Variants in HSPA12A observed in about 807,000 individuals in gnomAD.
HSPA12A encodes the protein heat shock 70 kDa protein 12A.
HSPA12A carries 28 observed loss-of-function variants against 69.2 expected under a neutral mutation model. The ratio of observed to expected loss-of-function variants is 0.40; its 90% CI spans 0.30 to 0.55. The LOEUF is 0.55. Ranked by LOEUF, HSPA12A falls within the 20% of genes least tolerant of loss-of-function variation. HSPA12A has a pLI of 0.38. For missense variants in HSPA12A, 686 were observed against 900.7 expected, an observed-to-expected ratio of 0.76 and a Z score of 3.05; for synonymous variants, 345 against 370.5, an observed-to-expected ratio of 0.93 and a Z score of 0.79.
intron 2 of HSPA12A, among the ~76,000 whole-genome samples, chr10:116,760,736 G>T (rs1484512366): frequency 6.6e-6 from 1 of 152,132 alleles, no homozygotes; most frequent in Non-Finnish European, 1.5e-5. Flanking sequence ...AATGATATTT[G>T]TGAAAGTACT....
At chr10:116,849,450 C>G (rs1589741941) in intron 1 of HSPA12A, 1 of 1,378,196 alleles carries the variant, frequency 7.3e-7, no homozygotes, top group East Asian at 2.7e-5. Context: ...CAGGAAGAAC[C>G]TAGGCCTGGA....
intron 2 of HSPA12A, among the ~76,000 whole-genome samples, chr10:116,753,103 A>G (rs1554888489): frequency 1.3e-5 from 2 of 152,352 alleles, no homozygotes; most frequent in East Asian, 1.9e-4. Flanking sequence ...ACGTGTGGGA[A>G]GTACAATCTG....
In HSPA12A at chr10:116,710,469, T is replaced by A. The variant is rs1283320117; in HGVS notation, c.41-3184A>T. ...AAGGTTGAGCCACACATGGAACACA[T>A]GTCTTGGGTCCCCAGGGGACTCTAG... On this transcript the variant is annotated intron_variant, in intron 1 of 11. Transcript: ENST00000369209. The surrounding 1 kb of genome is among the most constrained non-coding windows in gnomAD (Gnocchi z 4.1). Among the ~76,000 whole-genome samples the A allele has an allele frequency of 6.6e-6, 1 of 152,144 alleles. No individual in the cohort carries two copies. Among genetic ancestry groups the A allele is most frequent in the Non-Finnish European group, 1.5e-5 (1 of 68,022 alleles).
chr10:116,727,889 C>T (rs1181820854), intron 1 of HSPA12A, among the ~76,000 whole-genome samples: 1 of 150,478 alleles, frequency 6.6e-6, no homozygotes, highest in South Asian at 2.1e-4. Context: ...TCCTGAGTAG[C>T]TGGGATTACA....
chr10:116,724,145 A>AGTGGCTTTCCT (rs1850872873), intron 1 of HSPA12A, among the ~76,000 whole-genome samples: 1 of 152,156 alleles, frequency 6.6e-6, no homozygotes, highest in African/African-American at 2.4e-5. Context: ...GGATCTTGAA[A>AGTGGCTTTCCT]GTGGCTTTCT....
intron 1 of HSPA12A, among the ~76,000 whole-genome samples, chr10:116,738,673 G>A (rs146826138): frequency 1.0e-3 from 157 of 152,232 alleles, no homozygotes; most frequent in Middle Eastern, 0.01. Flanking sequence ...ATTAAGTACC[G>A]AAGGCTTTGG....
At chr10:116,727,927 T>TC (rs1851025174) in intron 1 of HSPA12A, among the ~76,000 whole-genome samples, 1 of 150,548 alleles carries the variant, frequency 6.6e-6, no homozygotes, top group Non-Finnish European at 1.5e-5. Flanking sequence ...CCGACTAATT[T>TC]TTTTGGGGGG....
At chr10:116,782,509 C>G (rs1844485450) in intron 2 of HSPA12A, among the ~76,000 whole-genome samples, 1 of 152,062 alleles carries the variant, frequency 6.6e-6, no homozygotes, top group African/African-American at 2.4e-5. Context: ...TGGAACATTA[C>G]CTAACATTGC....
chr10:116,803,468 G>A (rs889350551), intron 2 of HSPA12A, among the ~76,000 whole-genome samples: 1 of 152,194 alleles, frequency 6.6e-6, no homozygotes, highest in African/African-American at 2.4e-5. Context: ...CCCCTGAGCT[G>A]AATCCAGGCA....
At chr10:116,714,424 T>C (rs544653586) in intron 1 of HSPA12A, among the ~76,000 whole-genome samples, 3 of 152,260 alleles carry the variant, frequency 2.0e-5, no homozygotes, top group East Asian at 3.9e-4. Context: ...TTTCTCATTC[T>C]ACCCCCAAGC....
At chr10:116,818,221 T>G (rs957803506) in intron 2 of HSPA12A, among the ~76,000 whole-genome samples, 1 of 152,222 alleles carries the variant, frequency 6.6e-6, no homozygotes, top group African/African-American at 2.4e-5. Flanking sequence ...ACCTGGCATA[T>G]GAGCTTGGTC....
intron 1 of HSPA12A, among the ~76,000 whole-genome samples, chr10:116,725,707 G>A (rs1455812148): frequency 6.6e-6 from 1 of 152,088 alleles, no homozygotes; most frequent in Non-Finnish European, 1.5e-5. Flanking sequence ...TACTCCCAGC[G>A]AGTCACAGGG....
chr10:116,755,145 G>A (rs1472303348), intron 2 of HSPA12A, among the ~76,000 whole-genome samples: 2 of 151,954 alleles, frequency 1.3e-5, no homozygotes, highest in African/African-American at 4.8e-5. Context: ...ATAGAGATGA[G>A]GTTTCACCAT....
chr10:116,850,097 G>A (rs1380300792), upstream of HSPA12A: 7 of 384,318 alleles, frequency 1.8e-5, no homozygotes, highest in South Asian at 1.5e-4. Flanking sequence ...ATACCTTAAT[G>A]CCCTCAGCTC....
Position 116,686,986 on chromosome 10 carries a change from GA to G in HSPA12A, c.664-3025del, listed in dbSNP as rs1849594233. ...GACTTAGATGGGAAATCTTTATATG[GA>G]AATTCAGATCCAGCAGTCTAGAGGG... On this transcript the variant is annotated intron_variant, in intron 6 of 11. Transcript: ENST00000369209. This position sits in a 1 kb window ranked among gnomAD's most constrained non-coding sequence, Gnocchi z 4.1. 6.6e-6 allele frequency among the ~76,000 whole-genome samples: 1 copy of G among 152,156 alleles called. No homozygotes were observed. Among genetic ancestry groups the G allele is most frequent in the South Asian group, 2.1e-4 (1 of 4,826 alleles).
chr10:116,829,747 A>G (rs1381164742), intron 2 of HSPA12A: 1 of 152,184 alleles, frequency 6.6e-6, no homozygotes, highest in African/African-American at 2.4e-5. Context: ...ATGACACATG[A>G]ACTTTTTCCC....
chr10:116,802,062 G>A (rs577943908), intron 2 of HSPA12A, among the ~76,000 whole-genome samples: 70 of 152,292 alleles, frequency 4.6e-4, no homozygotes, highest in African/African-American at 1.5e-3. Flanking sequence ...GCTCTGGCAC[G>A]GGCCTTTGGG....
chr10:116,840,328 T>TGATA (rs1261486128), intron 1 of HSPA12A, among the ~76,000 whole-genome samples: 2 of 152,218 alleles, frequency 1.3e-5, no homozygotes, highest in Non-Finnish European at 2.9e-5. Context: ...TAAGAAATGA[T>TGATA]GATACACAGG....
intron 2 of HSPA12A, among the ~76,000 whole-genome samples, chr10:116,795,960 C>T (rs1196061968): frequency 6.6e-6 from 1 of 150,616 alleles, no homozygotes; most frequent in Admixed American, 6.6e-5. Flanking sequence ...TCCGGGCTAA[C>T]ATGGTGAAAC....
Sources: allele counts gnomAD v4.1 joint callset (sites outside exome capture counted in the v4.1 genomes callset), GRCh38; gene constraint gnomAD v4.1.1; non-coding constraint Gnocchi (gnomAD v3.1); transcripts MANE v1.5; gene names NCBI Gene and HGNC (gene_info 2026-07-23, HGNC 2026-07-21).